Variants in SUZ12 observed in about 807,000 individuals in gnomAD.
SUZ12 encodes the protein SUZ12 polycomb repressive complex 2 subunit.
SUZ12 carries 17 observed loss-of-function variants against 87.3 expected under a neutral mutation model. The observed-to-expected ratio is 0.19, with a 90% CI of 0.13 to 0.29. The LOEUF (loss-of-function observed/expected upper bound fraction) is 0.29. Ranked by LOEUF, SUZ12 falls within the 10% of genes least tolerant of loss-of-function variation. SUZ12 has a pLI of 1.00. For synonymous variants in SUZ12, 253 were observed against 312.4 expected, an observed-to-expected ratio of 0.81 and a Z score of 2.01; for missense variants, 526 against 912.2, an observed-to-expected ratio of 0.58 and a Z score of 5.45.
intron 4 of SUZ12, among the ~76,000 whole-genome samples, chr17:31,950,580 T>C (rs1474640387): frequency 1.3e-5 from 2 of 151,918 alleles, no homozygotes; most frequent in Non-Finnish European, 1.5e-5. Flanking sequence ...GCTACTTGGG[T>C]GACTGAGGCA....
chr17:31,996,662 G>C (rs1047764044), intron 14 of SUZ12, 136 bp from the exon 15 acceptor site: 1 of 545,688 alleles, frequency 1.8e-6, no homozygotes, highest in South Asian at 2.9e-5. Flanking sequence ...TTAAATAGAA[G>C]TTAATTTTAA....
rs746599450 is a variant in SUZ12 at position 31,998,763 on chromosome 17, A to G, written c.1980A>G (p.Leu660=). The G allele has an allele frequency of 6.2e-7, 1 of 1,612,076 alleles. No individual in the cohort carries two copies. The highest frequency in any genetic ancestry group is 1.1e-5 in the South Asian group (1 of 90,664). The stretch of plus-strand genomic sequence containing the variant: ...TATGTCGAAACTTCATGCTTCATCT[A>G]GTCAGCATGCATGACTTTAATCTTA... ...KNLCRNFMLH[L]VSMHDFNLIS... The change falls in exon 16 of 16, where the codon CTA becomes CTG. Residue 660 remains leucine, a synonymous_variant. Coordinates refer to ENST00000322652, the MANE Select transcript of SUZ12 (RefSeq NM_015355.4).
chr17:31,980,484 C>T (rs1909039865), intron 8 of SUZ12, among the ~76,000 whole-genome samples: 1 of 99,994 alleles, frequency 1.0e-5, no homozygotes, highest in Non-Finnish European at 1.9e-5. Flanking sequence ...AGTTTTGCTC[C>T]TGTTGCCCAG....
chr17:31,956,316 C>T (rs974086376), intron 4 of SUZ12, among the ~76,000 whole-genome samples: 4 of 151,912 alleles, frequency 2.6e-5, no homozygotes, highest in African/African-American at 4.8e-5. Context: ...GCCTCAGCCT[C>T]TGGAGTAGCT....
chr17:31,942,315 T>C (rs1008046376), intron 3 of SUZ12, among the ~76,000 whole-genome samples: 1 of 152,044 alleles, frequency 6.6e-6, no homozygotes. Context: ...TCATTTTATA[T>C]CTTTGGTTTT....
In SUZ12 at chr17:31,986,932, T is replaced by G. The variant is rs1909451778; in HGVS notation, c.1024-1388T>G. On this transcript the variant is annotated intron_variant, in intron 9 of 15. Coordinates refer to ENST00000322652, the MANE Select transcript of SUZ12 (RefSeq NM_015355.4). ...AGGCCTCTGTGGCAGTAAAATAAAT[T>G]GAAGCTCATTGAAGACTACTTGATC... 4.6e-5 allele frequency among the ~76,000 whole-genome samples: 7 copies of G among 152,180 alleles called. No individual in the cohort carries two copies. The South Asian group carries it at 1.4e-3, about 31-fold the overall frequency.
At chr17:31,962,704 T>C (rs1474747550) in intron 4 of SUZ12, among the ~76,000 whole-genome samples, 1 of 152,262 alleles carries the variant, frequency 6.6e-6, no homozygotes, top group Non-Finnish European at 1.5e-5. Flanking sequence ...TTGGATTTTC[T>C]GACTCTATAA....
intron 5 of SUZ12, among the ~76,000 whole-genome samples, chr17:31,972,003 G>A (rs1392929356): frequency 6.6e-6 from 1 of 151,374 alleles, no homozygotes; most frequent in African/African-American, 2.4e-5. Flanking sequence ...AGTAAATATG[G>A]CCGGGTGTGG....
At chr17:31,947,718 A>C in intron 4 of SUZ12, 33 bp downstream of exon 4, 1 of 1,581,904 alleles carries the variant, frequency 6.3e-7, no homozygotes, top group East Asian at 2.3e-5. Context: ...ATTAAGTGAT[A>C]TACTTTAGGA....
Position 31,975,717 on chromosome 17 carries a change from A to AT in SUZ12, c.823+15dup, listed in dbSNP as rs763857580. 0.014 allele frequency: 17,788 copies of AT among 1,275,842 alleles called. 8 individuals are homozygous for AT. The highest frequency in any genetic ancestry group is 0.023 in the African/African-American group (1,528 of 66,482). The allele number at this position is 1,275,842 out of a possible 1,614,324, so 79.0% of individuals were successfully genotyped here. A position where few individuals can be genotyped will look rare whatever the true frequency, so the allele number is the denominator to read the frequency against. ...GGAGAAACCAATGAAAATATTGGTA[A>AT]TTTTTTTTTTTACTAGATTTTATCA... is the stretch of plus-strand genomic sequence containing the variant. On this transcript the variant is annotated splice_donor_region_variant and intron_variant, in intron 7 of 15. Transcript: ENST00000322652.
chr17:31,974,627 G>A (rs1908633525), intron 6 of SUZ12, among the ~76,000 whole-genome samples: 2 of 152,108 alleles, frequency 1.3e-5, no homozygotes, highest in African/African-American at 2.4e-5. Context: ...TCAAAAAAAT[G>A]TATCGGGGTA....
intron 9 of SUZ12, among the ~76,000 whole-genome samples, chr17:31,985,580 T>A (rs1909360457): frequency 6.6e-6 from 1 of 152,020 alleles, no homozygotes; most frequent in Non-Finnish European, 1.5e-5. Flanking sequence ...TTTCTTGTTT[T>A]AAAGTATGTT....
Position 31,940,274 on chromosome 17 carries a change from C to T in SUZ12, c.275-12C>T, listed in dbSNP as rs757191933. On this transcript the variant is annotated splice_polypyrimidine_tract_variant and intron_variant, in intron 1 of 15. Coordinates refer to ENST00000322652, the MANE Select transcript of SUZ12 (RefSeq NM_015355.4). ...TTTAGATCATGTTTGGATTTTGTTT[C>T]CTATTACCTAGAGCCAACACAGATC... The T allele has an allele frequency of 5.6e-6, 9 of 1,605,138 alleles. No individual in the cohort carries two copies. The highest frequency in any genetic ancestry group is 2.5e-6 in the Non-Finnish European group (3 of 1,177,484).
At chr17:31,983,637 G>C (rs909048290) in intron 9 of SUZ12, among the ~76,000 whole-genome samples, 1 of 152,168 alleles carries the variant, frequency 6.6e-6, no homozygotes, top group African/African-American at 2.4e-5. Context: ...TCTGCTCCTA[G>C]CTATGTGGCG....
intron 3 of SUZ12, among the ~76,000 whole-genome samples, chr17:31,940,779 A>T (rs562413076): frequency 6.6e-6 from 1 of 151,846 alleles, no homozygotes; most frequent in Admixed American, 6.6e-5. Context: ...TTGGGAGGCC[A>T]AGTTGGGCGG....
chr17:31,946,266 G>A (rs1372292853), intron 3 of SUZ12, among the ~76,000 whole-genome samples: 1 of 152,082 alleles, frequency 6.6e-6, no homozygotes, highest in African/African-American at 2.4e-5. Flanking sequence ...AGGCATGGTG[G>A]CTCACACCTT....
At chr17:31,957,894 C>CTTTTTTTT (rs1567818962) in intron 4 of SUZ12, among the ~76,000 whole-genome samples, 1 of 123,242 alleles carries the variant, frequency 8.1e-6, no homozygotes, top group African/African-American at 2.9e-5. Flanking sequence ...CACCTTTTGT[C>CTTTTTTTT]CTTTTTTTTT....
At position 31,999,736 on chromosome 17, in the gene SUZ12, C is replaced by T. The variant is rs141497489; in HGVS notation, c.*733C>T. On this transcript the variant is annotated 3_prime_UTR_variant, in exon 16 of 16. Coordinates refer to ENST00000322652, the MANE Select transcript of SUZ12 (RefSeq NM_015355.4). Reference sequence around the variant, plus strand: ...GTGGATAATTTTAGTGCATTGCTCACCCGGTATGTTTTTTTTTTTTAACTT... The same window carrying T: ...GTGGATAATTTTAGTGCATTGCTCATCCGGTATGTTTTTTTTTTTTAACTT... The T allele has an allele frequency of 5.4e-3, 1,242 of 231,118 alleles. 10 individuals carry two copies. The highest frequency in any genetic ancestry group is 0.025 in the African/African-American group (1,111 of 44,946). 14.3% of individuals were successfully genotyped at this position (231,118 alleles called of 1,614,324 possible). A position where few individuals can be genotyped will look rare whatever the true frequency, so the allele number is the denominator to read the frequency against.
rs746460676 is a variant in SUZ12 at position 32,000,606 on chromosome 17, T to C, written c.*1603T>C. On this transcript the variant is annotated 3_prime_UTR_variant, in exon 16 of 16. Coordinates refer to ENST00000322652, the MANE Select transcript of SUZ12 (RefSeq NM_015355.4). ...GATCTCGAGCGTTTATCTCGGGCTT[T>C]AATTTGCTAAAGCTGTGCACATATG... 15 of 231,836 alleles carry C rather than the reference T, an allele frequency of 6.5e-5. No homozygotes were observed. Among genetic ancestry groups the C allele is most frequent in the Non-Finnish European group, 1.0e-4 (12 of 117,372 alleles). 14.4% of individuals were successfully genotyped at this position (231,836 alleles called of 1,614,324 possible).
Sources: allele counts gnomAD v4.1 joint callset (sites outside exome capture counted in the v4.1 genomes callset), GRCh38; gene constraint gnomAD v4.1.1; transcripts MANE v1.5; gene names NCBI Gene and HGNC (gene_info 2026-07-23, HGNC 2026-07-21).